Variants in STIM1 observed in about 807,000 individuals in gnomAD.
STIM1 encodes stromal interaction molecule 1.
STIM1 carries 25 observed loss-of-function variants against 74.7 expected under a neutral mutation model. The observed-to-expected ratio is 0.33, with a 90% CI of 0.24 to 0.47. The LOEUF is 0.47. Among genes scored for constraint, STIM1 ranks in the 20% least tolerant of loss-of-function variants. The pLI, the probability that STIM1 is intolerant of heterozygous loss-of-function variation, is 1.00. For synonymous variants in STIM1, 328 were observed against 348.8 expected (o/e 0.94, Z 0.66); for missense variants, 728 against 920.8 (o/e 0.79, Z 2.71).
At chr11:3,982,175 C>T (rs1348201577) in intron 2 of STIM1, among the ~76,000 whole-genome samples, 10 of 151,566 alleles carry the variant, frequency 6.6e-5, no homozygotes, top group South Asian at 2.1e-4. Context: ...TACAGGTGCA[C>T]GCCACTATGC....
chr11:3,980,255 T>G (rs1383726826), intron 2 of STIM1, among the ~76,000 whole-genome samples: 1 of 152,200 alleles, frequency 6.6e-6, no homozygotes, highest in Non-Finnish European at 1.5e-5. Flanking sequence ...ATTTTAGAGA[T>G]GATAAAACTA....
chr11:3,937,634 T>C (rs2092951049), intron 1 of STIM1, among the ~76,000 whole-genome samples: 1 of 151,760 alleles, frequency 6.6e-6, no homozygotes, highest in Non-Finnish European at 1.5e-5. Flanking sequence ...GGGAGGATGA[T>C]GGCAGTCCTT....
At chr11:4,083,572 T>C in intron 10 of STIM1, 74 bp downstream of exon 10, 1 of 1,427,504 alleles carries the variant, frequency 7.0e-7, no homozygotes, top group African/African-American at 1.4e-5. Context: ...GCCTCTGTTG[T>C]GCTTAAACAG....
chr11:3,903,805 A>T (rs1187056586), intron 1 of STIM1, among the ~76,000 whole-genome samples: 2 of 152,138 alleles, frequency 1.3e-5, no homozygotes, highest in Non-Finnish European at 2.9e-5. Flanking sequence ...TGTGAAAGAC[A>T]TAGTCTGTGT....
chr11:3,929,043 G>A (rs1264274762), intron 1 of STIM1, among the ~76,000 whole-genome samples: 3 of 151,878 alleles, frequency 2.0e-5, no homozygotes, highest in Non-Finnish European at 4.4e-5. Context: ...CCAGGACAGG[G>A]TTTCACCATG....
chr11:3,975,718 A>G (rs2093441293), intron 2 of STIM1, among the ~76,000 whole-genome samples: 1 of 152,246 alleles, frequency 6.6e-6, no homozygotes. Context: ...CAAAGTAGAT[A>G]TATGGATGGC....
chr11:4,009,890 G>A (rs968447716), intron 2 of STIM1, among the ~76,000 whole-genome samples: 10 of 152,028 alleles, frequency 6.6e-5, no homozygotes, highest in Non-Finnish European at 2.9e-5. Context: ...ACGGCTTACC[G>A]CAACCTTAAC....
At chr11:3,999,999 GATCAAA>G (rs1222814349) in intron 2 of STIM1, among the ~76,000 whole-genome samples, 89 of 152,210 alleles carry the variant, frequency 5.8e-4, no homozygotes, top group African/African-American at 2.0e-3. Flanking sequence ...AGCAGTCTGA[GATCAAA>G]CTGCAAGGCG....
chr11:4,028,347 G>C (rs930068519), intron 3 of STIM1, among the ~76,000 whole-genome samples: 3 of 152,004 alleles, frequency 2.0e-5, no homozygotes, highest in Admixed American at 2.0e-4. Flanking sequence ...CTCCTAAAAT[G>C]CTGGGATTAC....
chr11:4,040,218 G>T (rs1353441307), intron 3 of STIM1, among the ~76,000 whole-genome samples: 1 of 152,060 alleles, frequency 6.6e-6, no homozygotes, highest in African/African-American at 2.4e-5. Context: ...AATTTACTGA[G>T]TACCTTCTAT....
chr11:3,998,724 A>G (rs569873278), intron 2 of STIM1, among the ~76,000 whole-genome samples: 14 of 152,306 alleles, frequency 9.2e-5, no homozygotes, highest in African/African-American at 3.4e-4. Context: ...AGGATAGGGC[A>G]ATGAACTCAC....
chr11:4,033,585 T>C (rs1348428072), intron 3 of STIM1, among the ~76,000 whole-genome samples: 2 of 151,902 alleles, frequency 1.3e-5, no homozygotes, highest in East Asian at 1.9e-4. Flanking sequence ...CAGATATCCA[T>C]GTTTCATTTC....
At chr11:4,050,846 C>A (rs2133057743) in intron 3 of STIM1, among the ~76,000 whole-genome samples, 1 of 152,038 alleles carries the variant, frequency 6.6e-6, no homozygotes, top group South Asian at 2.1e-4. Flanking sequence ...TGTATTCTTA[C>A]AATAAAGTAA....
At chr11:4,053,586 TG>T (rs1376334436) in intron 3 of STIM1, among the ~76,000 whole-genome samples, 4 of 87,448 alleles carry the variant, frequency 4.6e-5, no homozygotes, top group Non-Finnish European at 9.3e-5. Context: ...TGTTGTGGGG[TG>T]GGGGGAAGGG....
At chr11:4,014,173 T>C (rs1023191569) in intron 2 of STIM1, among the ~76,000 whole-genome samples, 2 of 152,240 alleles carry the variant, frequency 1.3e-5, no homozygotes, top group African/African-American at 4.8e-5. Context: ...TTTTGCTTTC[T>C]CTTGTGGGCA....
chr11:3,955,463 C>T (rs2093200537), intron 1 of STIM1, among the ~76,000 whole-genome samples: 1 of 152,076 alleles, frequency 6.6e-6, no homozygotes, highest in African/African-American at 2.4e-5. Context: ...AATGTGGTTA[C>T]TGTGGGGTAT....
At chr11:4,045,453 A>ATT (rs568849786) in intron 3 of STIM1, among the ~76,000 whole-genome samples, 14 of 143,070 alleles carry the variant, frequency 9.8e-5, no homozygotes, top group African/African-American at 3.6e-4. Context: ...TTCCATCAGC[A>ATT]TTTTTTTTTT....
intron 2 of STIM1, among the ~76,000 whole-genome samples, chr11:4,006,958 T>C (rs2093788221): frequency 6.6e-6 from 1 of 152,212 alleles, no homozygotes; most frequent in South Asian, 2.1e-4. Context: ...GCTCTTCTTC[T>C]GGCTTTATGT....
chr11:3,900,126 G>GGGAAAAA (rs1344686416), intron 1 of STIM1, among the ~76,000 whole-genome samples: 1 of 152,138 alleles, frequency 6.6e-6, no homozygotes, highest in Non-Finnish European at 1.5e-5. Flanking sequence ...GCCTAAGCAA[G>GGGAAAAA]CCTGGGCAAT....
Sources: gnomAD v4.1 joint callset for allele counts (sites outside exome capture counted in the v4.1 genomes callset) on GRCh38, gnomAD v4.1.1 for gene constraint, MANE v1.5 for transcripts, NCBI Gene and HGNC (gene_info 2026-07-23, HGNC 2026-07-21) for gene names.